MBP: variants seen among roughly 807,000 people sequenced by gnomAD.
MBP encodes myelin basic protein.
Under a neutral mutation model 35.8 loss-of-function variants are expected in MBP, and 16 were observed. That is an observed-to-expected ratio of 0.45 (90% CI 0.30 to 0.68). The LOEUF (loss-of-function observed/expected upper bound fraction) is 0.68. Among genes scored for constraint, MBP ranks in the 30% least tolerant of loss-of-function variants. MBP has a pLI of 0.08. For missense variants in MBP, 380 were observed against 404.7 expected, an observed-to-expected ratio of 0.94 and a Z score of 0.52; for synonymous variants, 143 against 159.6, an observed-to-expected ratio of 0.90 and a Z score of 0.78.
intron 4 of MBP, among the ~76,000 whole-genome samples, chr18:76,993,635 T>C (rs1264889189): frequency 6.6e-6 from 1 of 152,206 alleles, no homozygotes; most frequent in Non-Finnish European, 1.5e-5. Context: ...CTAGTTGTTT[T>C]TCCTATTTTG....
rs1346586782 is a variant in MBP, at chr18:77,021,275, CCACGTGTACACACACA to C, written c.140-4023_140-4008del. ...GACCCCCGCTCTGGTGCACACACAC[CCACGTGTACACACACA>C]CACGCAAACAGGCAGAGCACCACCA... is the stretch of plus-strand genomic sequence containing the variant. On this transcript the variant is annotated intron_variant, in intron 3 of 8. Transcript: ENST00000355994. 2.0e-5 allele frequency among the ~76,000 whole-genome samples: 3 copies of C among 152,238 alleles called. No individual in the cohort carries two copies. In the East Asian group the frequency reaches 5.8e-4, roughly 29 times the overall value.
At chr18:77,128,654 A>C (rs184959429) in intron 1 of MBP, among the ~76,000 whole-genome samples, 3 of 152,190 alleles carry the variant, frequency 2.0e-5, no homozygotes, top group Non-Finnish European at 4.4e-5. Flanking sequence ...GCATTGTACT[A>C]TGGTTTTGTA....
intron 3 of MBP, among the ~76,000 whole-genome samples, chr18:77,054,055 C>T (rs1253573396): frequency 5.9e-5 from 9 of 152,366 alleles, no homozygotes; most frequent in East Asian, 1.9e-4. Context: ...GACTGCCCCT[C>T]GGCCTGGTCT....
chr18:76,992,737 G>A (rs1970013144), intron 4 of MBP, among the ~76,000 whole-genome samples: 1 of 152,142 alleles, frequency 6.6e-6, no homozygotes, highest in African/African-American at 2.4e-5. Flanking sequence ...CAGGAGCCCT[G>A]TTATTCTGGG....
chr18:77,021,445 C>T (rs548519659), intron 3 of MBP, among the ~76,000 whole-genome samples: 4 of 150,714 alleles, frequency 2.7e-5, no homozygotes, highest in African/African-American at 9.8e-5. Context: ...TGACCTTGGG[C>T]GATGCTGTAG....
chr18:77,094,519 T>A (rs988660415), intron 2 of MBP, among the ~76,000 whole-genome samples: 2 of 152,220 alleles, frequency 1.3e-5, no homozygotes, highest in African/African-American at 4.8e-5. Context: ...TGTAGGACTC[T>A]CCCACGTTGA....
chr18:77,026,569 C>G (rs11150993), intron 3 of MBP, among the ~76,000 whole-genome samples: 18,215 of 152,090 alleles, frequency 0.12, 1,322 homozygotes, highest in East Asian at 0.27. Flanking sequence ...AAACATTAGA[C>G]CTAAGGGATC....
At chr18:77,084,416 C>CCA (rs1350602185) in intron 2 of MBP, among the ~76,000 whole-genome samples, 13 of 42,810 alleles carry the variant, frequency 3.0e-4, no homozygotes, top group African/African-American at 8.6e-4. Context: ...ACACCGCCCC[C>CCA]CCCGCCACAC....
At chr18:77,059,423 TATTA>T (rs953787357) in intron 3 of MBP, among the ~76,000 whole-genome samples, 57 of 151,754 alleles carry the variant, frequency 3.8e-4, no homozygotes, top group Admixed American at 6.6e-4. Context: ...TTTGCTGCTT[TATTA>T]ATTATAATGA....
chr18:77,093,917 G>T (rs190906917), intron 2 of MBP, among the ~76,000 whole-genome samples: 29 of 152,018 alleles, frequency 1.9e-4, no homozygotes, highest in African/African-American at 6.8e-4. Flanking sequence ...GCTCCATTTG[G>T]GGTTTTTCTT....
At chr18:77,088,889 G>T (rs1380783369) in intron 2 of MBP, among the ~76,000 whole-genome samples, 1 of 152,206 alleles carries the variant, frequency 6.6e-6, no homozygotes, top group Non-Finnish European at 1.5e-5. Flanking sequence ...AGGATCTCCA[G>T]ATGAGATCAG....
At chr18:77,047,688 A>G (rs937130263) in intron 3 of MBP, among the ~76,000 whole-genome samples, 2 of 152,262 alleles carry the variant, frequency 1.3e-5, no homozygotes, top group African/African-American at 4.8e-5. Flanking sequence ...ATCCATTTTC[A>G]TTTTGCTGTT....
intron 2 of MBP, among the ~76,000 whole-genome samples, chr18:77,084,399 C>A (rs1975113419): frequency 8.2e-6 from 1 of 122,374 alleles, no homozygotes; most frequent in Non-Finnish European, 1.7e-5. Flanking sequence ...GCAAAAAGAC[C>A]ATCACAACAC....
chr18:77,035,188 G>A (rs555811192), intron 3 of MBP, among the ~76,000 whole-genome samples: 12 of 152,262 alleles, frequency 7.9e-5, no homozygotes, highest in Admixed American at 3.3e-4. Flanking sequence ...TGCTTCTTAC[G>A]CATTCCGTAC....
At chr18:77,056,712 C>A (rs556565885) in intron 3 of MBP, among the ~76,000 whole-genome samples, 1 of 152,178 alleles carries the variant, frequency 6.6e-6, no homozygotes, top group Non-Finnish European at 1.5e-5. Flanking sequence ...GTCTGGGATA[C>A]GTCTTCCCTG....
intron 8 of MBP, chr18:76,983,095 C>G (rs1401309490): frequency 6.6e-6 from 1 of 152,166 alleles, no homozygotes; most frequent in African/African-American, 2.4e-5. Flanking sequence ...TGGTTGTAAG[C>G]CTTGCATATA....
chr18:77,015,257 TTAAG>T (rs1182951847), intron 4 of MBP: 1 of 973,664 alleles, frequency 1.0e-6, no homozygotes, highest in Non-Finnish European at 1.2e-6. Context: ...TCTGCACAGT[TTAAG>T]TACATTTTTT....
intron 3 of MBP, among the ~76,000 whole-genome samples, chr18:77,045,489 G>C (rs1433532441): frequency 2.6e-5 from 4 of 152,146 alleles, no homozygotes; most frequent in African/African-American, 9.7e-5. Flanking sequence ...CACCAGGTCA[G>C]GGTCTCTGGA....
At chr18:76,985,969 GTCCCAGGACCAGCC>G (rs1300500408) in intron 7 of MBP, 1 of 985,668 alleles carries the variant, frequency 1.0e-6, no homozygotes, top group African/African-American at 1.7e-5. Flanking sequence ...GGGTGCGAGT[GTCCCAGGACCAGCC>G]TCTACTTGCT....
Sources: allele counts gnomAD v4.1 joint callset (sites outside exome capture counted in the v4.1 genomes callset), GRCh38; gene constraint gnomAD v4.1.1; transcripts MANE v1.5; gene names NCBI Gene and HGNC (gene_info 2026-07-23, HGNC 2026-07-21).